The following ARHGAP19 variants were observed in gnomAD, a reference collection of about 807,000 sequenced individuals.
ARHGAP19 encodes Rho GTPase activating protein 19.
ARHGAP19 carries 48 observed loss-of-function variants against 60.9 expected under a neutral mutation model. The ratio of observed to expected loss-of-function variants is 0.79; its 90% confidence interval spans 0.62 to 1.00. The LOEUF is 1.00. Among genes scored for constraint, ARHGAP19 ranks in the 50% least tolerant of loss-of-function variants. ARHGAP19 has a pLI of 0.00. For missense variants in ARHGAP19, 562 were observed against 597.2 expected (o/e 0.94, Z 0.61); for synonymous variants, 209 against 215.5 (o/e 0.97, Z 0.27).
chr10:97,253,340 T>C (rs557371001), intron 6 of ARHGAP19, among the ~76,000 whole-genome samples: 18 of 147,290 alleles, frequency 1.2e-4, no homozygotes, highest in Non-Finnish European at 8.9e-5. Flanking sequence ...ATTGCATCAC[T>C]GCACTTCAGC....
intron 8 of ARHGAP19, among the ~76,000 whole-genome samples, chr10:97,240,215 T>C (rs537645429): frequency 1.9e-4 from 29 of 152,042 alleles, no homozygotes; most frequent in South Asian, 6.2e-4. Context: ...TAATGCATAT[T>C]CGTTTATCAT....
intron 6 of ARHGAP19, among the ~76,000 whole-genome samples, chr10:97,253,527 G>C (rs937985765): frequency 6.6e-6 from 1 of 152,104 alleles, no homozygotes; most frequent in African/African-American, 2.4e-5. Context: ...TTGGTCAATA[G>C]GTACAAACAT....
chr10:97,244,282 C>A (rs569690808), intron 7 of ARHGAP19, 123 bp from the exon 8 acceptor site: 2 of 670,546 alleles, frequency 3.0e-6, no homozygotes, highest in South Asian at 5.0e-5. Context: ...TACTCAGGAA[C>A]AAGAAAAATC....
At chr10:97,234,496 G>C (rs1392558377) in intron 9 of ARHGAP19, among the ~76,000 whole-genome samples, 1 of 149,698 alleles carries the variant, frequency 6.7e-6, no homozygotes, top group Non-Finnish European at 1.5e-5. Flanking sequence ...GAAAAGAAAA[G>C]CAGTGTATAT....
At chr10:97,241,320 ATTT>A (rs1842478019) in intron 8 of ARHGAP19, among the ~76,000 whole-genome samples, 4 of 151,820 alleles carry the variant, frequency 2.6e-5, no homozygotes, top group African/African-American at 9.7e-5. Flanking sequence ...TTAAGATCAT[ATTT>A]ACTTAAGATC....
chr10:97,237,184 G>A (rs1443701156), intron 8 of ARHGAP19, among the ~76,000 whole-genome samples: 1 of 141,476 alleles, frequency 7.1e-6, no homozygotes, highest in Non-Finnish European at 1.5e-5. Flanking sequence ...AGGATGGCTT[G>A]AACCCAGGAG....
intron 8 of ARHGAP19, among the ~76,000 whole-genome samples, chr10:97,240,495 T>G (rs944474913): frequency 1.3e-5 from 2 of 152,104 alleles, no homozygotes; most frequent in Non-Finnish European, 2.9e-5. Flanking sequence ...CTACTAAAAA[T>G]ACAAAATTAG....
At chr10:97,250,881 CATGGT>C (rs899793674) in intron 6 of ARHGAP19, among the ~76,000 whole-genome samples, 2 of 151,800 alleles carry the variant, frequency 1.3e-5, no homozygotes, top group African/African-American at 2.4e-5. Flanking sequence ...GCCTGGGCAA[CATGGT>C]AGTACCCTGT....
intron 1 of ARHGAP19, among the ~76,000 whole-genome samples, chr10:97,272,220 C>T (rs1232453828): frequency 1.5e-5 from 2 of 135,206 alleles, no homozygotes; most frequent in Non-Finnish European, 3.1e-5. Context: ...ACTGCAACTT[C>T]CACCTCCCAG....
chr10:97,250,396 T>G (rs1328297381), intron 6 of ARHGAP19, among the ~76,000 whole-genome samples: 2 of 151,898 alleles, frequency 1.3e-5, no homozygotes, highest in African/African-American at 4.8e-5. Flanking sequence ...TTTTCTTTTT[T>G]TTTTTTTGAG....
At chr10:97,288,850 T>G (rs938748544) in intron 1 of ARHGAP19, among the ~76,000 whole-genome samples, 6 of 143,664 alleles carry the variant, frequency 4.2e-5, no homozygotes, top group African/African-American at 5.3e-5. Context: ...AGTCTCACTC[T>G]GTTGCCCAGG....
At chr10:97,247,966 CTTT>C (rs377506718) in intron 6 of ARHGAP19, among the ~76,000 whole-genome samples, 10 of 135,070 alleles carry the variant, frequency 7.4e-5, no homozygotes, top group Non-Finnish European at 1.2e-4. Context: ...GTGGTTTTGA[CTTT>C]TTTTTTTTTT....
At chr10:97,227,267 AT>A (rs1433879882) in intron 11 of ARHGAP19, among the ~76,000 whole-genome samples, 5 of 152,252 alleles carry the variant, frequency 3.3e-5, no homozygotes, top group Admixed American at 1.3e-4. Flanking sequence ...TCATTGTTGT[AT>A]AAAAGAAATA....
rs1247704597 is a variant in ARHGAP19 at position 97,224,278 on chromosome 10, G to A, written c.*1844C>T. ...CCATTTCAATTTGGTGATACCCAAAGGGTTTTCTGTTTGAATTAACTGATA... is the reference window on the plus strand; with the variant it reads ...CCATTTCAATTTGGTGATACCCAAAAGGTTTTCTGTTTGAATTAACTGATA... On this transcript the variant is annotated 3_prime_UTR_variant, in exon 12 of 12. Coordinates refer to ENST00000358531, the MANE Select transcript of ARHGAP19 (RefSeq NM_032900.6). 2 of 152,120 alleles carry A rather than the reference G, an allele frequency of 1.3e-5. No homozygotes were observed. Among genetic ancestry groups the A allele is most frequent in the Non-Finnish European group, 2.9e-5 (2 of 68,022 alleles). The allele number at this position is 152,120 out of a possible 1,614,324, so 9.4% of individuals were successfully genotyped here.
At chr10:97,287,282 G>C (rs1000808161) in intron 1 of ARHGAP19, among the ~76,000 whole-genome samples, 6 of 152,098 alleles carry the variant, frequency 3.9e-5, no homozygotes, top group African/African-American at 9.7e-5. Flanking sequence ...TTCCCCTTTA[G>C]TATTGTCTGC....
In ARHGAP19 at chr10:97,248,046, A is replaced by T. The variant is rs528505480; in HGVS notation, c.928-1709T>A. On this transcript the variant is annotated intron_variant, in intron 6 of 11. Transcript: ENST00000358531. ...AATGGCATGATCTCGGCTCACTGCA[A>T]CCTCCGCCTCCCAGGTTCAAGTGAT... Among the ~76,000 whole-genome samples, 5 of 151,040 alleles carry T rather than the reference A, an allele frequency of 3.3e-5. No individual in the cohort carries two copies. In the South Asian group the frequency reaches 1.0e-3, roughly 32 times the overall value.
At chr10:97,283,850 A>AAC (rs1843119636) in intron 1 of ARHGAP19, among the ~76,000 whole-genome samples, 1 of 149,088 alleles carries the variant, frequency 6.7e-6, no homozygotes, top group Non-Finnish European at 1.5e-5. Context: ...AAAAAAAAAA[A>AAC]CTGTCTCAAT....
At position 97,292,594 on chromosome 10, in the gene ARHGAP19, G is replaced by GC; in HGVS notation, c.33dup (p.Pro12AlafsTer9). The GC allele has an allele frequency of 6.2e-7, 1 of 1,614,182 alleles. No individual in the cohort carries two copies. The highest frequency in any genetic ancestry group is 8.5e-7 in the Non-Finnish European group (1 of 1,180,030). On this transcript the variant is annotated frameshift_variant, in exon 1 of 12. Transcript: ENST00000358531. LOFTEE classifies it high-confidence loss of function. ...CACCTCCGGCCGGATTCGCGGGCTGGCACCTCCCCTTCACTCTGTGCCTCA... is the reference window on the plus strand; with the variant it reads ...CACCTCCGGCCGGATTCGCGGGCTGGCCACCTCCCCTTCACTCTGTGCCTCA...
At chr10:97,262,215 C>T (rs1296019430) in intron 4 of ARHGAP19, among the ~76,000 whole-genome samples, 1 of 146,930 alleles carries the variant, frequency 6.8e-6, no homozygotes, top group South Asian at 2.2e-4. Context: ...TTTTTTAAAT[C>T]AGTAACACTA....
Sources: allele counts gnomAD v4.1 joint callset (sites outside exome capture counted in the v4.1 genomes callset), GRCh38; gene constraint gnomAD v4.1.1; transcripts MANE v1.5; gene names NCBI Gene and HGNC (gene_info 2026-07-23, HGNC 2026-07-21).